The following ST3GAL1 variants were observed in gnomAD, a reference collection of about 807,000 sequenced individuals.
ST3GAL1 encodes ST3 beta-galactoside alpha-2,3-sialyltransferase 1.
A neutral mutation model predicts 34.1 loss-of-function variants in ST3GAL1; 16 were observed. The ratio of observed to expected loss-of-function variants is 0.47; its 90% confidence interval spans 0.32 to 0.71. The LOEUF (loss-of-function observed/expected upper bound fraction) is 0.71, where lower values mean the gene tolerates loss of function less well. Among genes scored for constraint, ST3GAL1 ranks in the 30% least tolerant of loss-of-function variants. The pLI, the probability that ST3GAL1 is intolerant of heterozygous loss-of-function variation, is 0.04. For missense variants in ST3GAL1, 353 were observed against 447.4 expected (o/e 0.79, Z 1.90); for synonymous variants, 191 against 184.7 (o/e 1.03, Z -0.28).
At chr8:133,533,587 C>A (rs896575314) in intron 2 of ST3GAL1, among the ~76,000 whole-genome samples, 1 of 152,204 alleles carries the variant, frequency 6.6e-6, no homozygotes, top group Non-Finnish European at 1.5e-5. Flanking sequence ...GCACTCTGTG[C>A]CCCATTGGAG....
intron 1 of ST3GAL1, chr8:133,566,999 TTTTAC>T (rs1422623523): frequency 9.2e-5 from 14 of 152,242 alleles, no homozygotes; most frequent in Non-Finnish European, 2.1e-4. Flanking sequence ...CAATCTTTTA[TTTTAC>T]TTTATTATTA....
chr8:133,466,103 G>C lies in ST3GAL1; in HGVS notation c.307-13C>G. The C allele has an allele frequency of 1.2e-6, 2 of 1,600,890 alleles. No individual in the cohort carries two copies. The highest frequency in any genetic ancestry group is 4.5e-5 in the East Asian group (2 of 44,488). ...CCCGCTGGAGCCTCTGTGGGCGGAG[G>C]ACAGAAGGTGGTCAACCTGGCTTTG... is the stretch of plus-strand genomic sequence containing the variant. On this transcript the variant is annotated splice_polypyrimidine_tract_variant and intron_variant, in intron 5 of 9. Transcript: ENST00000522652. This position sits in a 1 kb window ranked among gnomAD's most constrained non-coding sequence, Gnocchi z 4.4.
intron 1 of ST3GAL1, among the ~76,000 whole-genome samples, chr8:133,550,116 A>C (rs1231924666): frequency 6.6e-6 from 1 of 152,214 alleles, no homozygotes; most frequent in Non-Finnish European, 1.5e-5. Flanking sequence ...TCTGCCCCAG[A>C]TCCCAGGAAC....
At chr8:133,562,595 T>G (rs1819260264) in intron 1 of ST3GAL1, among the ~76,000 whole-genome samples, 1 of 152,204 alleles carries the variant, frequency 6.6e-6, no homozygotes, top group Admixed American at 6.5e-5. Context: ...TAGTTGCTGG[T>G]GTCTGTGAAT....
At chr8:133,476,782 T>A (rs1262807937) in intron 3 of ST3GAL1, among the ~76,000 whole-genome samples, 182 bp from the exon 4 acceptor site, 2 of 152,212 alleles carry the variant, frequency 1.3e-5, no homozygotes, top group Non-Finnish European at 2.9e-5. Flanking sequence ...ATACAATGGA[T>A]GTTATCATCT....
chr8:133,555,273 C>G (rs1324292303), intron 1 of ST3GAL1, among the ~76,000 whole-genome samples: 3 of 152,142 alleles, frequency 2.0e-5, no homozygotes, highest in Non-Finnish European at 4.4e-5. Flanking sequence ...GGAGGAACAG[C>G]ACGCTTCCCT....
chr8:133,551,025 CT>C (rs1321200182), intron 1 of ST3GAL1, among the ~76,000 whole-genome samples: 1 of 152,168 alleles, frequency 6.6e-6, no homozygotes, highest in Admixed American at 6.5e-5. Flanking sequence ...ATCTGGATAA[CT>C]GTTACCACTG....
At chr8:133,507,599 T>G (rs762457863) in intron 2 of ST3GAL1, among the ~76,000 whole-genome samples, 1 of 152,094 alleles carries the variant, frequency 6.6e-6, no homozygotes, top group Non-Finnish European at 1.5e-5. Context: ...TCTTGGAGAG[T>G]TCCTGGCACA....
chr8:133,547,500 G>A (rs978143853), intron 1 of ST3GAL1, among the ~76,000 whole-genome samples: 7 of 152,118 alleles, frequency 4.6e-5, no homozygotes, highest in Non-Finnish European at 7.4e-5. Flanking sequence ...CTGGGCATGA[G>A]CCACCATGCC....
chr8:133,517,342 T>A lies in ST3GAL1; in HGVS notation c.-428-18153A>T, dbSNP rs560052418. ...TAACTCACCCAGTCTTGCACTTTTT[T>A]ATTTTTTTATTTTATTATTTTTTTT... On this transcript the variant is annotated intron_variant, in intron 2 of 9. Coordinates refer to ENST00000522652, the MANE Select transcript of ST3GAL1 (RefSeq NM_173344.3). 5.9e-5 allele frequency among the ~76,000 whole-genome samples: 9 copies of A among 152,306 alleles called. 1 individual carries two copies. In the South Asian group the frequency reaches 8.3e-4, roughly 14 times the overall value.
At chr8:133,563,498 C>T (rs1325163314) in intron 1 of ST3GAL1, among the ~76,000 whole-genome samples, 1 of 152,184 alleles carries the variant, frequency 6.6e-6, no homozygotes, top group African/African-American at 2.4e-5. Context: ...GAGTTACCCA[C>T]GCTAAAGTTC....
At chr8:133,546,930 T>G (rs1210425865) in intron 1 of ST3GAL1, among the ~76,000 whole-genome samples, 1 of 151,082 alleles carries the variant, frequency 6.6e-6, no homozygotes, top group Non-Finnish European at 1.5e-5. Flanking sequence ...TGCTTGAACC[T>G]GAGAGACGAG....
Position 133,494,913 on chromosome 8 carries a change from C to CTTTT in ST3GAL1, c.-374+4218_-374+4221dup, listed in dbSNP as rs34975583. On this transcript the variant is annotated intron_variant, in intron 3 of 9. Coordinates refer to ENST00000522652, the MANE Select transcript of ST3GAL1 (RefSeq NM_173344.3). ...TCGGCCTCTGCGTTTTTCCTCTATT[C>CTTTT]TTTTTTTTTTTTTTTTTTTTTTTGA... Among the ~76,000 whole-genome samples, 363 of 100,708 alleles carry CTTTT rather than the reference C, an allele frequency of 3.6e-3. 8 individuals carry two copies. The highest frequency in any genetic ancestry group is 8.0e-3 in the African/African-American group (203 of 25,474). 66.1% of individuals were successfully genotyped at this position (100,708 alleles called of 152,430 possible).
At chr8:133,566,825 C>T (rs1210502906) in intron 1 of ST3GAL1, among the ~76,000 whole-genome samples, 2 of 152,188 alleles carry the variant, frequency 1.3e-5, no homozygotes, top group Non-Finnish European at 2.9e-5. Context: ...TGCTTGGAGG[C>T]TCTCATGGTG....
intron 2 of ST3GAL1, among the ~76,000 whole-genome samples, chr8:133,538,258 T>C (rs1244775416): frequency 1.3e-5 from 2 of 152,260 alleles, no homozygotes; most frequent in Non-Finnish European, 2.9e-5. Flanking sequence ...CTCATGTCTG[T>C]AATCCCATCA....
intron 2 of ST3GAL1, among the ~76,000 whole-genome samples, chr8:133,523,319 A>G (rs1416293611): frequency 1.3e-5 from 2 of 152,142 alleles, no homozygotes; most frequent in Non-Finnish European, 2.9e-5. Flanking sequence ...TCCTAGCACA[A>G]GTCACAAAGG....
chr8:133,540,922 T>TATATATAGACATATATATAGAC (rs1563734216), intron 2 of ST3GAL1, among the ~76,000 whole-genome samples: 2 of 37,752 alleles, frequency 5.3e-5, no homozygotes, highest in East Asian at 1.1e-3. Flanking sequence ...TATATAGACA[T>TATATATAGACATATATATAGAC]ATATATATAG....
chr8:133,516,583 G>C (rs1206110014), intron 2 of ST3GAL1, among the ~76,000 whole-genome samples: 1 of 152,140 alleles, frequency 6.6e-6, no homozygotes, highest in Non-Finnish European at 1.5e-5. Flanking sequence ...CAAGGAGGAG[G>C]AATATAAGGC....
intron 1 of ST3GAL1, among the ~76,000 whole-genome samples, chr8:133,563,513 TC>T (rs1379961537): frequency 6.6e-6 from 1 of 152,096 alleles, no homozygotes; most frequent in African/African-American, 2.4e-5. Flanking sequence ...AAGTTCCAGG[TC>T]CCCAAATCCA....
Sources: allele counts gnomAD v4.1 joint callset (sites outside exome capture counted in the v4.1 genomes callset), GRCh38; gene constraint gnomAD v4.1.1; non-coding constraint Gnocchi (gnomAD v3.1); transcripts MANE v1.5; gene names NCBI Gene and HGNC (gene_info 2026-07-23, HGNC 2026-07-21).